NXN: variants seen among roughly 807,000 people sequenced by gnomAD.
NXN encodes nucleoredoxin 1.
Under a neutral mutation model 48.6 loss-of-function variants are expected in NXN, and 16 were observed. That is an observed-to-expected ratio of 0.33 (90% CI 0.22 to 0.50). The LOEUF is 0.50. Among genes scored for constraint, NXN ranks in the 20% least tolerant of loss-of-function variants. The pLI is 0.98. For synonymous variants in NXN, 281 were observed against 269.6 expected (o/e 1.04, Z -0.41); for missense variants, 492 against 605.5 (o/e 0.81, Z 1.97).
At chr17:869,943 C>G (rs1397295713) in intron 1 of NXN, among the ~76,000 whole-genome samples, 1 of 152,224 alleles carries the variant, frequency 6.6e-6, no homozygotes, top group Non-Finnish European at 1.5e-5. Context: ...GTGCCAGGCG[C>G]TTGGTGCTTG....
intron 1 of NXN, among the ~76,000 whole-genome samples, chr17:941,459 C>T (rs2068974837): frequency 7.4e-6 from 1 of 134,294 alleles, no homozygotes; most frequent in African/African-American, 3.0e-5. Flanking sequence ...CACATCACAC[C>T]TTCCTGGATT....
intron 1 of NXN, among the ~76,000 whole-genome samples, chr17:899,324 A>C (rs1191090987): frequency 6.6e-6 from 1 of 152,172 alleles, no homozygotes; most frequent in Non-Finnish European, 1.5e-5. Flanking sequence ...TACTTTGCTT[A>C]ATACTCCATC....
chr17:928,704 TGG>T (rs2068824977), intron 1 of NXN, among the ~76,000 whole-genome samples: 1 of 151,984 alleles, frequency 6.6e-6, no homozygotes, highest in Admixed American at 6.6e-5. Context: ...GGCGTGGTGG[TGG>T]GCACCTGTAA....
chr17:859,619 C>A (rs1443285006), intron 1 of NXN, among the ~76,000 whole-genome samples: 1 of 152,176 alleles, frequency 6.6e-6, no homozygotes. Context: ...ACGGGCCTGC[C>A]AGAGAAACAA....
rs947542461 is a variant in NXN, at chr17:841,417, C to T, written c.361-15339G>A. Among the ~76,000 whole-genome samples the T allele has an allele frequency of 1.5e-3, 186 of 120,364 alleles. 8 individuals carry two copies. Among genetic ancestry groups the T allele is most frequent in the South Asian group, 1.4e-3 (5 of 3,700 alleles). 79.0% of individuals were successfully genotyped at this position (120,364 alleles called of 152,430 possible). On this transcript the variant is annotated intron_variant, in intron 1 of 7. Transcript: ENST00000336868. ...CCGGCGAGCAGGTCCCCCCTGACCACGGCGCATCTCACACGGGCGAGCAGG... is the reference window on the plus strand; with the variant it reads ...CCGGCGAGCAGGTCCCCCCTGACCATGGCGCATCTCACACGGGCGAGCAGG...
intron 1 of NXN, among the ~76,000 whole-genome samples, chr17:934,703 A>G (rs200871232): frequency 2.6e-5 from 4 of 150,964 alleles, no homozygotes; most frequent in African/African-American, 9.7e-5. Flanking sequence ...GTGAAACCCC[A>G]TCTCTACTAA....
intron 1 of NXN, among the ~76,000 whole-genome samples, chr17:955,089 C>T (rs1044935915): frequency 6.6e-6 from 1 of 151,642 alleles, no homozygotes; most frequent in Non-Finnish European, 1.5e-5. Flanking sequence ...TTTCTAGAGG[C>T]TGGGATATGT....
At chr17:955,788 GC>G (rs2069161649) in intron 1 of NXN, among the ~76,000 whole-genome samples, 1 of 152,054 alleles carries the variant, frequency 6.6e-6, no homozygotes, top group South Asian at 2.1e-4. Context: ...TGTAGTCCCA[GC>G]AACTCGGGAG....
intron 1 of NXN, among the ~76,000 whole-genome samples, chr17:943,597 G>A (rs781161250): frequency 7.5e-4 from 114 of 152,230 alleles, no homozygotes; most frequent in Non-Finnish European, 1.2e-3. Context: ...TGAGGCAGGC[G>A]GATCACTTGA....
intron 1 of NXN, among the ~76,000 whole-genome samples, chr17:841,445 CCCCTG>C (rs1914223530): frequency 5.7e-4 from 17 of 29,950 alleles, no homozygotes; most frequent in East Asian, 1.3e-3. Flanking sequence ...CGAGCAGGTC[CCCCTG>C]ACCACGGCGC....
intron 1 of NXN, among the ~76,000 whole-genome samples, chr17:853,723 A>ATATTTTTTTTT (rs1491528474): frequency 1.9e-5 from 2 of 106,002 alleles, no homozygotes; most frequent in African/African-American, 8.6e-5. Flanking sequence ...ATATATATAT[A>ATATTTTTTTTT]TTTTTTTTTT....
At chr17:924,720 TTCC>T (rs1366491716) in intron 1 of NXN, among the ~76,000 whole-genome samples, 8 of 372 alleles carry the variant, frequency 0.022, no homozygotes, top group African/African-American at 0.035. Flanking sequence ...ACTAACTCCG[TTCC>T]GTTCCGTTCC....
At position 825,340 on chromosome 17, in the gene NXN, A is replaced by C. The variant is rs1260549993; in HGVS notation, c.478+621T>G. ...CTGGGAAAATGTGTGAGCGGGGTTG[A>C]ATCTTCTCACTGGACGGATTAAGTG... On this transcript the variant is annotated intron_variant, in intron 2 of 7. Coordinates refer to ENST00000336868, the MANE Select transcript of NXN (RefSeq NM_022463.5). The surrounding 1 kb of genome is among the most constrained non-coding windows in gnomAD (Gnocchi z 4.1). Among the ~76,000 whole-genome samples the C allele has an allele frequency of 6.6e-6, 1 of 152,138 alleles. No individual in the cohort carries two copies. Among genetic ancestry groups the C allele is most frequent in the African/African-American group, 2.4e-5 (1 of 41,436 alleles).
rs374139460 is a variant in NXN at position 805,134 on chromosome 17, C to T, written c.934G>A (p.Val312Met). 5.6e-6 allele frequency: 9 copies of T among 1,610,108 alleles called. No homozygotes were observed. The highest frequency in any genetic ancestry group is 7.6e-6 in the Non-Finnish European group (9 of 1,178,798). ...GCGTTGGAGTCGGAGAGCTCCAGCA[C>T]GGGCTTGGGGTGCCAGGGGAACTCC... is the stretch of plus-strand genomic sequence containing the variant. ...CREFPWHPKPVLELSDSNAAQ... is the reference protein window; with the variant it reads ...CREFPWHPKPMLELSDSNAAQ... Residue 312 changes from valine to methionine, a missense_variant, in exon 6 of 8, where the codon GTG becomes ATG. Transcript: ENST00000336868.
chr17:810,589 T>G (rs1195398871), intron 5 of NXN, among the ~76,000 whole-genome samples: 1 of 152,014 alleles, frequency 6.6e-6, no homozygotes, highest in Non-Finnish European at 1.5e-5. Context: ...ACTCCCCTGC[T>G]TAGAGAGTTA....
chr17:926,061 C>A (rs192474756), intron 1 of NXN, among the ~76,000 whole-genome samples: 34 of 152,302 alleles, frequency 2.2e-4, no homozygotes, highest in African/African-American at 7.7e-4. Flanking sequence ...GGCTGCAATG[C>A]AAATCTATGT....
At chr17:854,055 A>C (rs2144757599) in intron 1 of NXN, among the ~76,000 whole-genome samples, 1 of 152,116 alleles carries the variant, frequency 6.6e-6, no homozygotes, top group East Asian at 1.9e-4. Context: ...TTGTTGAATC[A>C]TGTGTGTCCC....
At chr17:895,550 C>T (rs560169394) in intron 1 of NXN, among the ~76,000 whole-genome samples, 64 of 151,684 alleles carry the variant, frequency 4.2e-4, no homozygotes, top group African/African-American at 1.4e-3. Context: ...CAGTGGCTCA[C>T]GCCTCTAATC....
intron 1 of NXN, among the ~76,000 whole-genome samples, chr17:850,353 C>T (rs2067910855): frequency 6.6e-6 from 1 of 152,180 alleles, no homozygotes; most frequent in South Asian, 2.1e-4. Flanking sequence ...AGCAAATGAG[C>T]TTCCCGGACC....
Sources: allele counts gnomAD v4.1 joint callset (sites outside exome capture counted in the v4.1 genomes callset), GRCh38; gene constraint gnomAD v4.1.1; non-coding constraint Gnocchi (gnomAD v3.1); transcripts MANE v1.5; gene names NCBI Gene and HGNC (gene_info 2026-07-23, HGNC 2026-07-21).